Variants in CRB1 observed in about 807,000 individuals in gnomAD.
CRB1 encodes protein crumbs homolog 1.
A neutral mutation model predicts 120.0 loss-of-function variants in CRB1; 83 were observed. That is an observed-to-expected ratio of 0.69 (90% confidence interval 0.58 to 0.83). CRB1 has a LOEUF of 0.83. Among genes scored for constraint, CRB1 ranks in the 40% least tolerant of loss-of-function variants. The pLI, the probability that CRB1 is intolerant of heterozygous loss-of-function variation, is 0.00. For missense variants in CRB1, 1,699 were observed against 1,687.6 expected (o/e 1.01, Z -0.12); for synonymous variants, 625 against 612.5 (o/e 1.02, Z -0.30).
intron 6 of CRB1, among the ~76,000 whole-genome samples, chr1:197,423,347 A>T (rs1664428086): frequency 6.6e-6 from 1 of 152,114 alleles, no homozygotes. Context: ...TGAATTGGTT[A>T]CCCTTCCCCC....
chr1:197,359,424 T>C (rs1660660014), intron 5 of CRB1, among the ~76,000 whole-genome samples: 1 of 152,180 alleles, frequency 6.6e-6, no homozygotes, highest in African/African-American at 2.4e-5. Context: ...TTGTTCCTTT[T>C]CATTGCTAAG....
chr1:197,289,708 A>G (rs1057186415), intron 1 of CRB1, among the ~76,000 whole-genome samples: 3 of 151,528 alleles, frequency 2.0e-5, no homozygotes, highest in Non-Finnish European at 4.4e-5. Context: ...CCTTTCATCT[A>G]TTTCTTTTCA....
Position 197,328,404 on chromosome 1 carries a change from CT to C in CRB1, c.71-13del. 2.5e-6 allele frequency: 4 copies of C among 1,576,118 alleles called. No individual in the cohort carries two copies. The South Asian group carries it at 4.4e-5, about 18-fold the overall frequency. On this transcript the variant is annotated splice_polypyrimidine_tract_variant and intron_variant, in intron 1 of 11. Transcript: ENST00000367400. ...CTCATTTATAAATTTAATCTTGTTA[CT>C]TTTTATTTCCTTGTAGATTCCTTTT...
At chr1:197,418,136 T>C (rs188021980) in intron 5 of CRB1, among the ~76,000 whole-genome samples, 32 of 152,302 alleles carry the variant, frequency 2.1e-4, no homozygotes, top group Non-Finnish European at 2.6e-4. Flanking sequence ...TGTTATGCCA[T>C]ATCAGTTGTT....
intron 5 of CRB1, among the ~76,000 whole-genome samples, chr1:197,420,404 G>A (rs1180071754): frequency 6.6e-6 from 1 of 152,144 alleles, no homozygotes; most frequent in African/African-American, 2.4e-5. Context: ...GCTTGTTATG[G>A]TATAGACATC....
At chr1:197,401,569 G>A (rs914641596) in intron 5 of CRB1, among the ~76,000 whole-genome samples, 4 of 152,020 alleles carry the variant, frequency 2.6e-5, no homozygotes, top group South Asian at 2.1e-4. Flanking sequence ...ACAATTTGTC[G>A]TATTTTGTGT....
chr1:197,344,588 AACTTTAT>A (rs1659664792), intron 3 of CRB1, 112 bp downstream of exon 3: 4 of 962,698 alleles, frequency 4.2e-6, no homozygotes, highest in African/African-American at 1.6e-5. Flanking sequence ...TTTGGGGTGT[AACTTTAT>A]ACTTTAACTG....
intron 5 of CRB1, among the ~76,000 whole-genome samples, chr1:197,414,379 T>A (rs1663865433): frequency 6.6e-6 from 1 of 152,096 alleles, no homozygotes; most frequent in Admixed American, 6.5e-5. Context: ...CATCTTCATA[T>A]CCAATGATAT....
chr1:197,321,578 G>C (rs1025454092), intron 1 of CRB1, among the ~76,000 whole-genome samples: 6 of 152,030 alleles, frequency 3.9e-5, no homozygotes, highest in Non-Finnish European at 7.4e-5. Flanking sequence ...ATTAGAAGGT[G>C]GTATTCAAAA....
chr1:197,264,656 C>G (rs537279167), upstream of CRB1, among the ~76,000 whole-genome samples: 2 of 144,264 alleles, frequency 1.4e-5, no homozygotes, highest in Non-Finnish European at 3.0e-5. Context: ...CTCTGTCGCT[C>G]TGTCGCCCAG....
chr1:197,317,990 T>C (rs1262351599), intron 1 of CRB1, among the ~76,000 whole-genome samples: 3 of 151,558 alleles, frequency 2.0e-5, no homozygotes, highest in African/African-American at 7.3e-5. Context: ...AAAACAAATA[T>C]AGACAAATAG....
chr1:197,380,760 G>A (rs1661912017), intron 5 of CRB1, among the ~76,000 whole-genome samples: 1 of 152,124 alleles, frequency 6.6e-6, no homozygotes, highest in Admixed American at 6.6e-5. Flanking sequence ...ATCATCTGAA[G>A]CCTTTTTTGC....
At chr1:197,405,595 C>T (rs867662775) in intron 5 of CRB1, among the ~76,000 whole-genome samples, 9 of 150,946 alleles carry the variant, frequency 6.0e-5, no homozygotes, top group Non-Finnish European at 1.5e-5. Context: ...AAGTGAGGAG[C>T]GTCTCTGCCC....
the CRB1 span, among the ~76,000 whole-genome samples, chr1:197,261,036 T>C: frequency 6.6e-6 from 1 of 152,146 alleles, no homozygotes; most frequent in Admixed American, 6.5e-5. Context: ...AAAGTGAATA[T>C]GATATGAGTT....
the CRB1 span, among the ~76,000 whole-genome samples, chr1:197,223,763 A>T: frequency 6.6e-6 from 1 of 152,180 alleles, no homozygotes; most frequent in Admixed American, 6.5e-5. Flanking sequence ...GGATGTGCTT[A>T]TACAGTCACT....
At chr1:197,350,320 C>G (rs1419264200) in intron 4 of CRB1, among the ~76,000 whole-genome samples, 1 of 152,112 alleles carries the variant, frequency 6.6e-6, no homozygotes, top group South Asian at 2.1e-4. Context: ...GATAAAAATA[C>G]TTTACTTGTA....
At chr1:197,257,842 G>T in the CRB1 span, among the ~76,000 whole-genome samples, 1 of 152,094 alleles carries the variant, frequency 6.6e-6, no homozygotes, top group Non-Finnish European at 1.5e-5. Flanking sequence ...TCTCACTCTT[G>T]AAGTAGTCCT....
At chr1:197,309,114 A>G (rs1413575091) in intron 1 of CRB1, among the ~76,000 whole-genome samples, 1 of 151,896 alleles carries the variant, frequency 6.6e-6, no homozygotes, top group Admixed American at 6.6e-5. Flanking sequence ...ACACACATAT[A>G]TTTATATATT....
intron 8 of CRB1, among the ~76,000 whole-genome samples, chr1:197,433,795 T>C (rs1292397861): frequency 6.6e-6 from 1 of 152,122 alleles, no homozygotes; most frequent in Non-Finnish European, 1.5e-5. Context: ...AGGACCCAGT[T>C]TATAACTGGT....
Sources: allele counts gnomAD v4.1 joint callset (sites outside exome capture counted in the v4.1 genomes callset), GRCh38; gene constraint gnomAD v4.1.1; transcripts MANE v1.5; gene names NCBI Gene and HGNC (gene_info 2026-07-23, HGNC 2026-07-21).